Variants in IMPG1 observed in about 807,000 individuals in gnomAD.
IMPG1 encodes interphotoreceptor matrix proteoglycan 1.
IMPG1 carries 85 observed loss-of-function variants against 92.0 expected under a neutral mutation model. The observed-to-expected ratio is 0.92, with a 90% CI of 0.78 to 1.11. The LOEUF is 1.11. IMPG1 is among the 50% of genes least tolerant of loss of function. IMPG1 has a pLI of 0.00. For missense variants in IMPG1, 1,022 were observed against 956.0 expected, an observed-to-expected ratio of 1.07 and a Z score of -0.91; for synonymous variants, 367 against 334.1, an observed-to-expected ratio of 1.10 and a Z score of -1.08.
chr6:76,027,656 A>C (rs1445366898), intron 4 of IMPG1, among the ~76,000 whole-genome samples: 1 of 152,258 alleles, frequency 6.6e-6, no homozygotes, highest in Non-Finnish European at 1.5e-5. Flanking sequence ...TTGTGTGAAC[A>C]TATTGACTAT....
intron 12 of IMPG1, among the ~76,000 whole-genome samples, chr6:75,989,876 A>C (rs1438371018): frequency 3.3e-5 from 5 of 152,178 alleles, no homozygotes; most frequent in African/African-American, 9.7e-5. Context: ...TTATATGTAG[A>C]TCTTGTATTC....
chr6:76,039,864 A>C (rs1159983056), intron 2 of IMPG1, among the ~76,000 whole-genome samples: 2 of 152,220 alleles, frequency 1.3e-5, no homozygotes, highest in Admixed American at 1.3e-4. Context: ...TTCTACCACA[A>C]AGCTCAGAAC....
intron 8 of IMPG1, among the ~76,000 whole-genome samples, chr6:76,008,690 C>T (rs1233360066): frequency 6.6e-6 from 1 of 152,080 alleles, no homozygotes; most frequent in Admixed American, 6.6e-5. Context: ...AGACCCTAGT[C>T]CTTTTAATTT....
chr6:76,042,894 C>CTT (rs1783870127), intron 1 of IMPG1, among the ~76,000 whole-genome samples: 2 of 152,090 alleles, frequency 1.3e-5, no homozygotes, highest in African/African-American at 4.8e-5. Context: ...TCATCAAACA[C>CTT]TTTTTAATTT....
chr6:76,056,384 GC>G (rs1784120733), intron 1 of IMPG1, among the ~76,000 whole-genome samples: 1 of 151,936 alleles, frequency 6.6e-6, no homozygotes, highest in Admixed American at 6.6e-5. Context: ...AAACAAACAA[GC>G]AAAAAAAGCT....
At chr6:76,034,495 C>T in intron 3 of IMPG1, 126 bp downstream of exon 3, 2 of 1,230,142 alleles carry the variant, frequency 1.6e-6, no homozygotes, top group Non-Finnish European at 2.3e-6. Context: ...TTGGCCTAAT[C>T]AGATACCTCC....
chr6:76,007,263 A>G (rs907304056), intron 9 of IMPG1, among the ~76,000 whole-genome samples: 1 of 152,156 alleles, frequency 6.6e-6, no homozygotes, highest in Middle Eastern at 3.2e-3. Context: ...GACCAAGGAA[A>G]TATTTACCTG....
At chr6:76,050,206 G>T (rs560716352) in intron 1 of IMPG1, among the ~76,000 whole-genome samples, 4 of 152,258 alleles carry the variant, frequency 2.6e-5, no homozygotes, top group African/African-American at 9.6e-5. Context: ...TTGGGAGGCT[G>T]AGGTGGGTGG....
intron 12 of IMPG1, among the ~76,000 whole-genome samples, chr6:76,001,093 C>T (rs1364265380): frequency 2.6e-5 from 4 of 152,198 alleles, no homozygotes; most frequent in African/African-American, 9.6e-5. Flanking sequence ...TCTAAGATTT[C>T]TTCCAGCTTT....
chr6:76,037,647 C>A (rs1783764606), intron 2 of IMPG1, among the ~76,000 whole-genome samples: 2 of 152,228 alleles, frequency 1.3e-5, no homozygotes, highest in South Asian at 4.1e-4. Flanking sequence ...CCAGTCTAAG[C>A]AAACCAGCTG....
At chr6:76,064,333 A>AT (rs562675578) in intron 1 of IMPG1, among the ~76,000 whole-genome samples, 148 of 147,284 alleles carry the variant, frequency 1.0e-3, no homozygotes, top group Middle Eastern at 3.6e-3. Context: ...CACCACAGAC[A>AT]TTTTAGTGGA....
At chr6:75,935,214 T>C (rs1781724873) in intron 14 of IMPG1, among the ~76,000 whole-genome samples, 1 of 152,186 alleles carries the variant, frequency 6.6e-6, no homozygotes. Flanking sequence ...GGAAGCGAGG[T>C]CTGCAAGGGA....
Position 76,042,266 on chromosome 6 carries a change from G to A in IMPG1, c.68-140C>T, listed in dbSNP as rs576504613. The stretch of plus-strand genomic sequence containing the variant: ...TTCTACCGTGGTGCAACTGCTAAAC[G>A]TAATATTCCAAATGACAAGGCATTT... On this transcript the variant is annotated intron_variant, in intron 1 of 16. Coordinates refer to ENST00000369950, the MANE Select transcript of IMPG1 (RefSeq NM_001563.4). The A allele has an allele frequency of 1.2e-3, 747 of 615,590 alleles. 4 individuals carry two copies. Among genetic ancestry groups the A allele is most frequent in the Non-Finnish European group, 1.8e-3 (613 of 346,674 alleles). 38.1% of individuals were successfully genotyped at this position (615,590 alleles called of 1,614,324 possible). A position where few individuals can be genotyped will look rare whatever the true frequency, so the allele number is the denominator to read the frequency against.
At chr6:75,924,675 T>TATAATATAATTATATGATATATCATATA (rs1562335143) in intron 15 of IMPG1, among the ~76,000 whole-genome samples, 1 of 1,346 alleles carries the variant, frequency 7.4e-4, no homozygotes, top group Non-Finnish European at 0.011. Flanking sequence ...ATAAATTATA[T>TATAATATAATTATATGATATATCATATA]ATTATATATT....
rs1456842821 is a variant in IMPG1 at position 76,018,811 on chromosome 6, G to C, written c.714C>G (p.Leu238=). 6.2e-7 allele frequency: 1 copy of C among 1,611,416 alleles called. No individual in the cohort carries two copies. Among genetic ancestry groups the C allele is most frequent in the Non-Finnish European group, 8.5e-7 (1 of 1,179,016 alleles). The change falls in exon 7 of 17, where the codon CTC becomes CTG. Residue 238 remains leucine, a synonymous_variant. Transcript: ENST00000369950. ...FAVLEEQRVE[L]SVSLVNQKFK... ...ACTTCTGGTTTACCAGAGAGACGCT[G>C]AGCTCCACCCTCTGCTCCTCCAACA...
chr6:76,010,348 G>A (rs1783164207), intron 8 of IMPG1, among the ~76,000 whole-genome samples: 1 of 152,146 alleles, frequency 6.6e-6, no homozygotes, highest in Non-Finnish European at 1.5e-5. Context: ...TTACCCTGTG[G>A]CACATTTTAA....
At chr6:75,984,655 G>A (rs1168402967) in intron 12 of IMPG1, among the ~76,000 whole-genome samples, 3 of 152,138 alleles carry the variant, frequency 2.0e-5, no homozygotes, top group Non-Finnish European at 4.4e-5. Flanking sequence ...ATATAGTTTG[G>A]ATATTTATCC....
chr6:76,054,816 T>C (rs1157118180), intron 1 of IMPG1, among the ~76,000 whole-genome samples: 2 of 151,208 alleles, frequency 1.3e-5, no homozygotes, highest in Admixed American at 1.3e-4. Flanking sequence ...GTGGACAAAG[T>C]TCATTATTAG....
intron 9 of IMPG1, among the ~76,000 whole-genome samples, chr6:76,006,086 C>A (rs1284564322): frequency 2.0e-5 from 3 of 152,074 alleles, no homozygotes; most frequent in Non-Finnish European, 4.4e-5. Flanking sequence ...GCTGTGGCCT[C>A]CCAAAGTGCT....
Sources: gnomAD v4.1 joint callset for allele counts (sites outside exome capture counted in the v4.1 genomes callset) on GRCh38, gnomAD v4.1.1 for gene constraint, MANE v1.5 for transcripts, NCBI Gene and HGNC (gene_info 2026-07-23, HGNC 2026-07-21) for gene names.